CPNE4: variants seen among roughly 807,000 people sequenced by gnomAD.
CPNE4 encodes copine 4.
CPNE4 carries 25 observed loss-of-function variants against 67.9 expected under a neutral mutation model. The ratio of observed to expected loss-of-function variants is 0.37; its 90% CI spans 0.27 to 0.51. The LOEUF is 0.51. Among genes scored for constraint, CPNE4 ranks in the 20% least tolerant of loss-of-function variants. CPNE4 has a pLI of 0.93. For synonymous variants in CPNE4, 242 were observed against 244.9 expected, an observed-to-expected ratio of 0.99 and a Z score of 0.11; for missense variants, 464 against 690.8, an observed-to-expected ratio of 0.67 and a Z score of 3.68.
chr3:131,801,623 C>A (rs952222536), intron 2 of CPNE4, among the ~76,000 whole-genome samples: 13 of 149,768 alleles, frequency 8.7e-5, no homozygotes, highest in African/African-American at 2.9e-4. Flanking sequence ...AAAGAGAAAT[C>A]GGGCAGGTTG....
chr3:131,668,261 C>T (rs1197864517), intron 7 of CPNE4, among the ~76,000 whole-genome samples: 1 of 152,190 alleles, frequency 6.6e-6, no homozygotes, highest in African/African-American at 2.4e-5. Flanking sequence ...TCTAACCTGA[C>T]AGATCATATC....
At chr3:131,861,996 A>G (rs1463750308) in intron 2 of CPNE4, among the ~76,000 whole-genome samples, 2 of 152,182 alleles carry the variant, frequency 1.3e-5, no homozygotes, top group Admixed American at 6.5e-5. Context: ...TCATCTCCCT[A>G]CTCAGGATTA....
chr3:131,545,519 TA>T (rs549048673), intron 14 of CPNE4, among the ~76,000 whole-genome samples: 178 of 152,230 alleles, frequency 1.2e-3, no homozygotes, highest in African/African-American at 4.0e-3. Context: ...TAGTTATTAA[TA>T]AAAAAACACA....
At chr3:131,795,233 C>A (rs149886808) in intron 2 of CPNE4, among the ~76,000 whole-genome samples, 191 of 152,220 alleles carry the variant, frequency 1.3e-3, no homozygotes, top group Middle Eastern at 3.4e-3. Context: ...GCCTATAGGG[C>A]AATGGTTGGG....
chr3:132,015,959 T>C (rs1038560894), intron 1 of CPNE4, among the ~76,000 whole-genome samples: 1 of 152,238 alleles, frequency 6.6e-6, no homozygotes, highest in Admixed American at 6.5e-5. Context: ...AACTATATGA[T>C]TTGAATTGGT....
chr3:131,764,277 G>GGA (rs2082956227), intron 2 of CPNE4, among the ~76,000 whole-genome samples: 1 of 148,674 alleles, frequency 6.7e-6, no homozygotes, highest in Non-Finnish European at 1.5e-5. Flanking sequence ...TGTTTTATAG[G>GGA]AAAAAAAAAA....
chr3:131,889,828 G>A (rs1046295761), intron 2 of CPNE4, among the ~76,000 whole-genome samples: 2 of 152,128 alleles, frequency 1.3e-5, no homozygotes, highest in African/African-American at 4.8e-5. Context: ...GGGTGCCAAG[G>A]ACACACAATG....
intron 6 of CPNE4, among the ~76,000 whole-genome samples, chr3:131,672,731 T>C (rs1650738802): frequency 6.6e-6 from 1 of 152,124 alleles, no homozygotes. Context: ...TATCTTTTGG[T>C]TATTAACCCC....
chr3:131,588,476 G>C (rs1938324689), intron 7 of CPNE4, among the ~76,000 whole-genome samples: 1 of 152,104 alleles, frequency 6.6e-6, no homozygotes, highest in South Asian at 2.1e-4. Flanking sequence ...GGCAGCAAAG[G>C]GGACCTTTTG....
At chr3:131,909,567 T>C (rs1399503215) in intron 1 of CPNE4, among the ~76,000 whole-genome samples, 1 of 152,168 alleles carries the variant, frequency 6.6e-6, no homozygotes, top group African/African-American at 2.4e-5. Context: ...TCCAATGGAT[T>C]ACTGCAAAGA....
At chr3:132,016,530 A>C (rs547569690) in intron 1 of CPNE4, among the ~76,000 whole-genome samples, 1 of 152,312 alleles carries the variant, frequency 6.6e-6, no homozygotes, top group South Asian at 2.1e-4. Context: ...AGGAGATGGC[A>C]GTGTCCAGGA....
chr3:131,788,529 G>A (rs574578539), intron 2 of CPNE4, among the ~76,000 whole-genome samples: 4 of 152,118 alleles, frequency 2.6e-5, no homozygotes, highest in South Asian at 4.2e-4. Context: ...TTGGGGAGAT[G>A]GAATTTACTT....
chr3:131,894,541 A>T (rs191593520), intron 2 of CPNE4, among the ~76,000 whole-genome samples: 4 of 152,114 alleles, frequency 2.6e-5, no homozygotes, highest in South Asian at 4.1e-4. Flanking sequence ...AACGTGATTT[A>T]AAAATGAACA....
chr3:131,557,709 T>C (rs1359472982), intron 11 of CPNE4, among the ~76,000 whole-genome samples: 2 of 152,070 alleles, frequency 1.3e-5, no homozygotes, highest in East Asian at 3.9e-4. Context: ...GGATTAGCTA[T>C]AGATAGGAGA....
At chr3:131,928,830 C>A (rs886914978) in intron 1 of CPNE4, among the ~76,000 whole-genome samples, 1 of 152,162 alleles carries the variant, frequency 6.6e-6, no homozygotes, top group African/African-American at 2.4e-5. Context: ...TCCCTGACAC[C>A]TTTGTCGGGA....
intron 2 of CPNE4, among the ~76,000 whole-genome samples, chr3:131,875,834 T>TA (rs34899392): frequency 0.36 from 54,436 of 151,794 alleles, 11,071 homozygotes; most frequent in African/African-American, 0.55. Flanking sequence ...TAAAGTATAA[T>TA]AAAAAAAAGA....
intron 2 of CPNE4, among the ~76,000 whole-genome samples, chr3:131,860,340 C>T (rs1228610107): frequency 6.6e-6 from 1 of 152,060 alleles, no homozygotes; most frequent in African/African-American, 2.4e-5. Context: ...TTATGTAGAA[C>T]CCAAGCGGAG....
rs550690529 is a variant in CPNE4 at position 131,788,982 on chromosome 3, A to C, written c.181-65357T>G. ...AAATTTTCACACTGTGCACATATTA[A>C]TGATATTCAGAGAACTCAACCAGAC... On this transcript the variant is annotated intron_variant, in intron 2 of 15. Transcript: ENST00000429747. 5.3e-5 allele frequency among the ~76,000 whole-genome samples: 8 copies of C among 150,070 alleles called. No individual in the cohort carries two copies. In the South Asian group the frequency reaches 1.7e-3, roughly 32 times the overall value.
chr3:132,030,692 G>A (rs1253270018), intron 1 of CPNE4, among the ~76,000 whole-genome samples: 1 of 152,200 alleles, frequency 6.6e-6, no homozygotes, highest in African/African-American at 2.4e-5. Flanking sequence ...TTCCCAGGAT[G>A]TGCTGATTTA....
Sources: allele counts gnomAD v4.1 joint callset (sites outside exome capture counted in the v4.1 genomes callset), GRCh38; gene constraint gnomAD v4.1.1; transcripts MANE v1.5; gene names NCBI Gene and HGNC (gene_info 2026-07-23, HGNC 2026-07-21).